RARS2: variants seen among roughly 807,000 people sequenced by gnomAD.
The protein encoded by RARS2 is probable arginine--tRNA ligase, mitochondrial.
Under a neutral mutation model 88.5 loss-of-function variants are expected in RARS2, and 67 were observed. That is an observed-to-expected ratio of 0.76 (90% CI 0.62 to 0.93). The LOEUF (loss-of-function observed/expected upper bound fraction) is 0.93. Ranked by LOEUF, RARS2 falls within the 40% of genes least tolerant of loss-of-function variation. RARS2 has a pLI of 0.00. For synonymous variants in RARS2, 239 were observed against 230.3 expected, an observed-to-expected ratio of 1.04 and a Z score of -0.34; for missense variants, 664 against 684.2, an observed-to-expected ratio of 0.97 and a Z score of 0.33.
intron 1 of RARS2, among the ~76,000 whole-genome samples, chr6:87,574,510 T>C (rs1392385712): frequency 6.6e-6 from 1 of 151,992 alleles, no homozygotes; most frequent in Non-Finnish European, 1.5e-5. Context: ...CTGTCAAGCA[T>C]GAGCAAGAAG....
intron 8 of RARS2, among the ~76,000 whole-genome samples, chr6:87,532,686 A>G (rs987490757): frequency 1.3e-5 from 2 of 152,134 alleles, no homozygotes; most frequent in African/African-American, 4.8e-5. Context: ...CACTGTAATA[A>G]ATCATAGCCA....
intron 3 of RARS2, among the ~76,000 whole-genome samples, chr6:87,563,340 A>G (rs1788453705): frequency 6.6e-6 from 1 of 152,250 alleles, no homozygotes; most frequent in Non-Finnish European, 1.5e-5. Flanking sequence ...TTAAGAACTT[A>G]CAAGAAATGG....
chr6:87,566,682 A>C (rs1767950785), intron 2 of RARS2, among the ~76,000 whole-genome samples: 2 of 151,740 alleles, frequency 1.3e-5, no homozygotes, highest in Admixed American at 6.6e-5. Flanking sequence ...TCATCTCTAC[A>C]GAAAATTTAA....
At chr6:87,582,977 A>G (rs894712458) in intron 1 of RARS2, among the ~76,000 whole-genome samples, 1 of 152,224 alleles carries the variant, frequency 6.6e-6, no homozygotes, top group African/African-American at 2.4e-5. Flanking sequence ...GGGGAAAAAA[A>G]TCAACAAGAC....
intron 1 of RARS2, among the ~76,000 whole-genome samples, chr6:87,577,604 A>G (rs536832804): frequency 2.0e-5 from 3 of 152,342 alleles, no homozygotes; most frequent in South Asian, 2.1e-4. Flanking sequence ...ATTAAGCCAT[A>G]TATCAGGAAA....
chr6:87,563,832 T>C (rs1193527248), intron 3 of RARS2, among the ~76,000 whole-genome samples: 1 of 152,248 alleles, frequency 6.6e-6, no homozygotes, highest in African/African-American at 2.4e-5. Flanking sequence ...AAGCTTGTTC[T>C]CCTAAATTCA....
At chr6:87,569,692 A>T in intron 1 of RARS2, 102 bp from the exon 2 acceptor site, 1 of 881,422 alleles carries the variant, frequency 1.1e-6, no homozygotes, top group South Asian at 1.4e-5. Flanking sequence ...ACTTAACACG[A>T]ATGAGCTCCA....
At chr6:87,579,341 G>A (rs1183625829) in intron 1 of RARS2, among the ~76,000 whole-genome samples, 6 of 152,158 alleles carry the variant, frequency 3.9e-5, no homozygotes, top group Admixed American at 3.3e-4. Flanking sequence ...ACATTCCCCA[G>A]GTGATCTAAT....
At chr6:87,545,124 G>C (rs13215887) in intron 7 of RARS2, among the ~76,000 whole-genome samples, 9,401 of 152,254 alleles carry the variant, frequency 0.062, 349 homozygotes, top group African/African-American at 0.11. Flanking sequence ...CTTGAGACAA[G>C]GTCCTGCTCT....
At chr6:87,563,387 A>G (rs1313576708) in intron 3 of RARS2, among the ~76,000 whole-genome samples, 2 of 152,202 alleles carry the variant, frequency 1.3e-5, no homozygotes, top group Non-Finnish European at 2.9e-5. Context: ...GAATAATTCT[A>G]TTCCTGGTAA....
chr6:87,562,080 T>G (rs1788005306), intron 4 of RARS2, among the ~76,000 whole-genome samples: 1 of 152,220 alleles, frequency 6.6e-6, no homozygotes, highest in African/African-American at 2.4e-5. Context: ...TCCTCCCACC[T>G]CAGCCTCCAG....
intron 1 of RARS2, among the ~76,000 whole-genome samples, chr6:87,577,990 A>G (rs1772106560): frequency 1.3e-5 from 2 of 152,174 alleles, no homozygotes; most frequent in African/African-American, 4.8e-5. Flanking sequence ...TTTATTTAAA[A>G]CAGCATTTCA....
chr6:87,587,694 G>A (rs1231463468), intron 1 of RARS2, among the ~76,000 whole-genome samples: 1 of 152,118 alleles, frequency 6.6e-6, no homozygotes, highest in African/African-American at 2.4e-5. Flanking sequence ...ATATCACAGG[G>A]TTGCCATGAG....
intron 1 of RARS2, among the ~76,000 whole-genome samples, chr6:87,579,899 T>C (rs918585511): frequency 6.6e-6 from 1 of 151,626 alleles, no homozygotes; most frequent in African/African-American, 2.4e-5. Flanking sequence ...GCACCCACTA[T>C]GCCCAGCTAA....
chr6:87,552,210 T>C (rs185950719), intron 5 of RARS2, among the ~76,000 whole-genome samples: 1 of 152,298 alleles, frequency 6.6e-6, no homozygotes, highest in Non-Finnish European at 1.5e-5. Flanking sequence ...GTGGTATCTC[T>C]TGTTTTCTGG....
intron 1 of RARS2, 161 bp downstream of exon 1, chr6:87,589,761 T>C (rs901893987): frequency 6.1e-6 from 6 of 984,934 alleles, no homozygotes; most frequent in African/African-American, 5.3e-5. Flanking sequence ...ACAGGACTTC[T>C]GAAGCTCCAC....
chr6:87,563,021 C>A (rs566356543), intron 3 of RARS2, among the ~76,000 whole-genome samples: 1 of 152,244 alleles, frequency 6.6e-6, no homozygotes, highest in African/African-American at 2.4e-5. Context: ...CTTCCTCATT[C>A]TCTTTCCCTC....
intron 10 of RARS2, among the ~76,000 whole-genome samples, chr6:87,525,074 G>A (rs138518044): frequency 1.3e-3 from 193 of 152,240 alleles, no homozygotes; most frequent in African/African-American, 3.9e-3. Flanking sequence ...TGTCTTTCCT[G>A]TATGACCAAA....
chr6:87,564,651 A>G, intron 2 of RARS2: 1 of 289,946 alleles, frequency 3.4e-6, no homozygotes, highest in Non-Finnish European at 6.7e-6. Context: ...CCTGGGTGAC[A>G]AGAGCGAAAC....
Sources: gnomAD v4.1 joint callset for allele counts (sites outside exome capture counted in the v4.1 genomes callset) on GRCh38, gnomAD v4.1.1 for gene constraint, MANE v1.5 for transcripts, NCBI Gene and HGNC (gene_info 2026-07-23, HGNC 2026-07-21) for gene names.